GALNT13: variants seen among roughly 807,000 people sequenced by gnomAD.
GALNT13 encodes UDP-GalNAc:polypeptide N-acetylgalactosaminyltransferase 13.
A neutral mutation model predicts 64.2 loss-of-function variants in GALNT13; 28 were observed. The ratio of observed to expected loss-of-function variants is 0.44; its 90% confidence interval spans 0.32 to 0.60. GALNT13 has a LOEUF of 0.60. Among genes scored for constraint, GALNT13 ranks in the 20% least tolerant of loss-of-function variants. GALNT13 has a pLI of 0.05. For synonymous variants in GALNT13, 214 were observed against 224.6 expected (o/e 0.95, Z 0.42); for missense variants, 577 against 669.8 (o/e 0.86, Z 1.53).
At chr2:153,923,079 T>C (rs186568153) in intron 2 of GALNT13, among the ~76,000 whole-genome samples, 1 of 152,106 alleles carries the variant, frequency 6.6e-6, no homozygotes, top group East Asian at 1.9e-4. Flanking sequence ...TTTGTATTTT[T>C]GATAGAGACT....
At chr2:153,580,723 T>G in the GALNT13 span, among the ~76,000 whole-genome samples, 1 of 152,194 alleles carries the variant, frequency 6.6e-6, no homozygotes, top group Admixed American at 6.5e-5. Flanking sequence ...TATAGGTGTT[T>G]ATAACAATTG....
the GALNT13 span, among the ~76,000 whole-genome samples, chr2:153,481,008 G>A: frequency 8.5e-5 from 13 of 152,254 alleles, no homozygotes; most frequent in Admixed American, 5.2e-4. Context: ...ATCAAACCTT[G>A]GAGTCAGGAG....
chr2:154,444,877 T>C (rs1335386427), intron 12 of GALNT13, among the ~76,000 whole-genome samples: 3 of 152,074 alleles, frequency 2.0e-5, no homozygotes, highest in Admixed American at 6.6e-5. Context: ...AAATAGTTTA[T>C]TTCTTAATAG....
At chr2:153,330,396 T>C in the GALNT13 span, among the ~76,000 whole-genome samples, 1 of 152,202 alleles carries the variant, frequency 6.6e-6, no homozygotes, top group African/African-American at 2.4e-5. Context: ...ATATTAATTC[T>C]TCCAATCAAA....
the GALNT13 span, among the ~76,000 whole-genome samples, chr2:153,089,789 T>C: frequency 3.3e-5 from 5 of 152,130 alleles, no homozygotes; most frequent in African/African-American, 1.2e-4. Context: ...GTTGTGATTG[T>C]TTTTTTCTTT....
chr2:153,462,875 C>T, the GALNT13 span, among the ~76,000 whole-genome samples: 1 of 149,744 alleles, frequency 6.7e-6, no homozygotes, highest in South Asian at 2.1e-4. Flanking sequence ...ACCATAACTT[C>T]TAATCACTGG....
chr2:154,198,591 T>A lies in GALNT13; in HGVS notation c.312-43439T>A, dbSNP rs559733330. On this transcript the variant is annotated intron_variant, in intron 4 of 12. Transcript: ENST00000392825. ...TGAAAATGATTGTAACTTCTTTAAC[T>A]TACAGGGAACAAGACTTGGAGTCCC... is the stretch of plus-strand genomic sequence containing the variant. Among the ~76,000 whole-genome samples, 14 of 152,046 alleles carry A rather than the reference T, an allele frequency of 9.2e-5. No individual in the cohort carries two copies. The East Asian group carries it at 2.7e-3, about 29-fold the overall frequency.
chr2:153,323,268 A>T, the GALNT13 span, among the ~76,000 whole-genome samples: 1 of 151,628 alleles, frequency 6.6e-6, no homozygotes, highest in Admixed American at 6.6e-5. Context: ...GCTTTTTTTC[A>T]TGTTTTTTGG....
the GALNT13 span, among the ~76,000 whole-genome samples, chr2:153,069,038 T>A: frequency 6.6e-6 from 1 of 152,218 alleles, no homozygotes; most frequent in East Asian, 1.9e-4. Context: ...TAACCACACT[T>A]AAGCATTCAG....
chr2:153,755,464 A>G, the GALNT13 span, among the ~76,000 whole-genome samples: 1 of 151,792 alleles, frequency 6.6e-6, no homozygotes, highest in Non-Finnish European at 1.5e-5. Flanking sequence ...ACTAGATAAG[A>G]GCTTATGGTT....
At chr2:153,135,788 G>A in the GALNT13 span, among the ~76,000 whole-genome samples, 1 of 151,966 alleles carries the variant, frequency 6.6e-6, no homozygotes, top group Non-Finnish European at 1.5e-5. Flanking sequence ...TATATTTGGG[G>A]TAAGGAGACC....
chr2:153,583,767 G>A, the GALNT13 span, among the ~76,000 whole-genome samples: 250 of 152,212 alleles, frequency 1.6e-3, 1 homozygote, highest in African/African-American at 5.5e-3. Context: ...AGCTGCACAC[G>A]GTCCTGGGAA....
rs1365084276 is a variant in GALNT13, at chr2:153,899,574, A to T, written c.-176-1362A>T. On this transcript the variant is annotated intron_variant, in intron 1 of 12. Transcript: ENST00000392825. ...GTGTGAAACATTAGCAAAATCATTTATTCATGGGCCAGGTAGAGACCTGTG... is the reference window on the plus strand; with the variant it reads ...GTGTGAAACATTAGCAAAATCATTTTTTCATGGGCCAGGTAGAGACCTGTG... 1.3e-5 allele frequency among the ~76,000 whole-genome samples: 2 copies of T among 152,126 alleles called. 1 individual carries two copies. Among genetic ancestry groups the T allele is most frequent in the Middle Eastern group, 6.3e-3 (2 of 316 alleles).
chr2:153,082,604 TATATATATATATATACAC>T, the GALNT13 span, among the ~76,000 whole-genome samples: 53 of 43,980 alleles, frequency 1.2e-3, no homozygotes, highest in South Asian at 0.013. Context: ...TATATATATA[TATATATATATATATACAC>T]ACACACACAC....
At chr2:154,100,626 G>C (rs1163588178) in intron 3 of GALNT13, among the ~76,000 whole-genome samples, 3 of 151,986 alleles carry the variant, frequency 2.0e-5, no homozygotes, top group African/African-American at 7.2e-5. Context: ...GGGTTTCTAG[G>C]TATAAGTTCA....
At chr2:154,363,647 A>G (rs1309599088) in intron 9 of GALNT13, among the ~76,000 whole-genome samples, 1 of 152,216 alleles carries the variant, frequency 6.6e-6, no homozygotes, top group African/African-American at 2.4e-5. Flanking sequence ...ATGTGGGCAA[A>G]TTCTTTTTCT....
chr2:153,252,664 G>A, the GALNT13 span, among the ~76,000 whole-genome samples: 194 of 152,282 alleles, frequency 1.3e-3, 4 homozygotes, highest in South Asian at 0.037. Flanking sequence ...TGTAAGGAAG[G>A]GATCCAGTTT....
the GALNT13 span, among the ~76,000 whole-genome samples, chr2:153,096,282 C>G: frequency 6.6e-6 from 1 of 151,486 alleles, no homozygotes; most frequent in Non-Finnish European, 1.5e-5. Context: ...TTTTTGTGAC[C>G]TAACATATGG....
the GALNT13 span, among the ~76,000 whole-genome samples, chr2:153,555,334 A>G: frequency 1.5e-5 from 2 of 134,618 alleles, no homozygotes; most frequent in African/African-American, 2.9e-5. Flanking sequence ...AGCTGGGACT[A>G]CAGGCGCCCG....
Sources: gnomAD v4.1 joint callset for allele counts (sites outside exome capture counted in the v4.1 genomes callset) on GRCh38, gnomAD v4.1.1 for gene constraint, MANE v1.5 for transcripts, NCBI Gene and HGNC (gene_info 2026-07-23, HGNC 2026-07-21) for gene names.